Variants in FGF14 observed in about 807,000 individuals in gnomAD.
FGF14 encodes the protein fibroblast growth factor homologous factor 4.
Under a neutral mutation model 25.5 loss-of-function variants are expected in FGF14, and 5 were observed. The ratio of observed to expected loss-of-function variants is 0.20; its 90% confidence interval spans 0.10 to 0.41. FGF14 has a LOEUF of 0.41. Ranked by LOEUF, FGF14 falls within the 10% of genes least tolerant of loss-of-function variation. The pLI is 1.00. For missense variants in FGF14, 222 were observed against 320.1 expected (o/e 0.69, Z 2.34); for synonymous variants, 138 against 118.3 (o/e 1.17, Z -1.08).
At chr13:101,841,561 C>A (rs189457558) in intron 3 of FGF14, among the ~76,000 whole-genome samples, 4 of 152,076 alleles carry the variant, frequency 2.6e-5, no homozygotes, top group Non-Finnish European at 5.9e-5. Context: ...CAAATTCAGT[C>A]TCATATCTCA....
intron 1 of FGF14, among the ~76,000 whole-genome samples, chr13:101,972,429 CCATATTTTGGA>C (rs1222252096): frequency 6.6e-6 from 1 of 152,178 alleles, no homozygotes; most frequent in East Asian, 1.9e-4. Context: ...CCTGAGGCTG[CCATATTTTGGA>C]ATAAGGAAGG....
intron 1 of FGF14, among the ~76,000 whole-genome samples, chr13:102,332,222 C>G (rs548158409): frequency 6.6e-6 from 1 of 151,836 alleles, no homozygotes; most frequent in South Asian, 2.1e-4. Context: ...TGTGGTAGGA[C>G]AGTGGATCCT....
chr13:101,961,328 A>G (rs1205458467), intron 1 of FGF14, among the ~76,000 whole-genome samples: 2 of 152,110 alleles, frequency 1.3e-5, no homozygotes, highest in Non-Finnish European at 2.9e-5. Flanking sequence ...TGGGTTTTGC[A>G]TTTAAGTCTT....
chr13:102,027,675 T>C (rs962629908), intron 1 of FGF14, among the ~76,000 whole-genome samples: 2 of 152,056 alleles, frequency 1.3e-5, no homozygotes, highest in African/African-American at 4.8e-5. Context: ...ATCCTTTGCT[T>C]GACTCGGTAT....
At chr13:101,842,610 G>C (rs532251245) in intron 3 of FGF14, among the ~76,000 whole-genome samples, 1 of 151,964 alleles carries the variant, frequency 6.6e-6, no homozygotes. Flanking sequence ...AAGGACTGTA[G>C]AAAGAGTCTT....
At chr13:101,959,292 G>A (rs2036696593) in intron 1 of FGF14, among the ~76,000 whole-genome samples, 1 of 152,062 alleles carries the variant, frequency 6.6e-6, no homozygotes, top group African/African-American at 2.4e-5. Flanking sequence ...ATCAGGGTTG[G>A]AACCTCTGCT....
chr13:102,036,645 G>A (rs961595387), intron 1 of FGF14, among the ~76,000 whole-genome samples: 2 of 151,856 alleles, frequency 1.3e-5, no homozygotes, highest in African/African-American at 2.4e-5. Flanking sequence ...CTAAAGTTTG[G>A]ATCAAAGAGG....
chr13:101,794,557 C>T (rs2040415732), intron 3 of FGF14, among the ~76,000 whole-genome samples: 1 of 152,072 alleles, frequency 6.6e-6, no homozygotes, highest in Non-Finnish European at 1.5e-5. Context: ...CAGCAGTTCA[C>T]AGCTTGAAAT....
intron 3 of FGF14, among the ~76,000 whole-genome samples, chr13:101,763,057 A>G (rs78283135): frequency 0.022 from 3,300 of 152,296 alleles, 131 homozygotes; most frequent in African/African-American, 0.076. Context: ...CATCACAAGG[A>G]AAGGCAAACA....
At chr13:101,914,347 G>C (rs1313647405) in intron 1 of FGF14, among the ~76,000 whole-genome samples, 1 of 151,676 alleles carries the variant, frequency 6.6e-6, no homozygotes, top group Non-Finnish European at 1.5e-5. Context: ...AGATATATCT[G>C]TATTTTTCTC....
At chr13:102,319,388 C>T (rs534550600) in intron 1 of FGF14, among the ~76,000 whole-genome samples, 1 of 152,298 alleles carries the variant, frequency 6.6e-6, no homozygotes, top group South Asian at 2.1e-4. Context: ...CCATCAACAA[C>T]CTCTGAAAAT....
chr13:101,942,553 TTA>T (rs2035523984), intron 1 of FGF14, among the ~76,000 whole-genome samples: 1 of 152,176 alleles, frequency 6.6e-6, no homozygotes, highest in African/African-American at 2.4e-5. Context: ...CATCTGCAAA[TTA>T]TATCTCTCTG....
chr13:102,217,683 A>T (rs923570532), intron 1 of FGF14, among the ~76,000 whole-genome samples: 12 of 152,182 alleles, frequency 7.9e-5, no homozygotes, highest in Non-Finnish European at 1.3e-4. Flanking sequence ...AGAAAAAGAA[A>T]AGTAATTAAT....
intron 3 of FGF14, among the ~76,000 whole-genome samples, chr13:101,763,398 T>C (rs1430695585): frequency 6.6e-6 from 1 of 152,182 alleles, no homozygotes; most frequent in African/African-American, 2.4e-5. Flanking sequence ...GAATGAACAG[T>C]ATTTTAAGGA....
intron 1 of FGF14, among the ~76,000 whole-genome samples, chr13:102,047,226 C>T (rs546528453): frequency 6.6e-6 from 1 of 152,022 alleles, no homozygotes. Flanking sequence ...GTCATTTTTG[C>T]TTTATATAAA....
At chr13:102,340,438 CAT>C (rs1254053679) in intron 1 of FGF14, among the ~76,000 whole-genome samples, 3 of 147,346 alleles carry the variant, frequency 2.0e-5, no homozygotes, top group Non-Finnish European at 4.4e-5. Context: ...AGTACAAACA[CAT>C]ACACACACAC....
rs909923126 is a variant in FGF14, at chr13:102,254,419, T to C, written c.208+147052A>G. Among the ~76,000 whole-genome samples, 5 of 152,264 alleles carry C rather than the reference T, an allele frequency of 3.3e-5. No homozygotes were observed. In the East Asian group the frequency reaches 9.7e-4, roughly 29 times the overall value. ...CTCAGGGGCTGAACCAAGATCCTCA[T>C]AGTTGGGTTTACAGGAGCTTCCAGG... On this transcript the variant is annotated intron_variant, in intron 1 of 4. Transcript: ENST00000376131.
intron 1 of FGF14, among the ~76,000 whole-genome samples, chr13:102,206,247 G>A (rs1279697611): frequency 1.3e-5 from 2 of 151,972 alleles, no homozygotes; most frequent in African/African-American, 4.8e-5. Flanking sequence ...TACAGATGCA[G>A]TGAATTCTGT....
At chr13:102,321,011 G>C (rs1361462806) in intron 1 of FGF14, among the ~76,000 whole-genome samples, 1 of 152,150 alleles carries the variant, frequency 6.6e-6, no homozygotes, top group Admixed American at 6.5e-5. Context: ...AGCTGGTACA[G>C]TTCATACGTA....
Sources: allele counts gnomAD v4.1 joint callset (sites outside exome capture counted in the v4.1 genomes callset), GRCh38; gene constraint gnomAD v4.1.1; transcripts MANE v1.5; gene names NCBI Gene and HGNC (gene_info 2026-07-23, HGNC 2026-07-21).